PARG: variants seen among roughly 807,000 people sequenced by gnomAD.
PARG encodes the protein mitochondrial poly(ADP-ribose) glycohydrolase.
A neutral mutation model predicts 113.0 loss-of-function variants in PARG; 35 were observed. The ratio of observed to expected loss-of-function variants is 0.31; its 90% CI spans 0.24 to 0.41. PARG has a LOEUF of 0.41. PARG is among the 10% of genes least tolerant of loss of function. The probability of loss-of-function intolerance (pLI) is 1.00; values close to 1 mark genes in which losing one functional copy is unlikely to be tolerated. For synonymous variants in PARG, 330 were observed against 409.9 expected (o/e 0.81, Z 2.36); for missense variants, 797 against 1,169.4 (o/e 0.68, Z 4.64).
chr10:49,880,265 AT>A (rs1847151556), intron 8 of PARG, among the ~76,000 whole-genome samples: 4 of 152,256 alleles, frequency 2.6e-5, no homozygotes, highest in Admixed American at 2.6e-4. Context: ...ATGATCTAAG[AT>A]AATTCAACAA....
chr10:49,937,708 AAAG>A (rs1475293657), intron 1 of PARG, among the ~76,000 whole-genome samples: 2,151 of 152,290 alleles, frequency 0.014, 25 homozygotes, highest in Non-Finnish European at 0.02. Context: ...CAGTGATGGC[AAAG>A]AAGAAGAGAG....
At chr10:49,880,035 G>A (rs1394542665) in intron 8 of PARG, among the ~76,000 whole-genome samples, 7 of 150,796 alleles carry the variant, frequency 4.6e-5, no homozygotes, top group African/African-American at 1.5e-4. Context: ...ACAAACTGCA[G>A]ATTTCTAATC....
intron 1 of PARG, 47 bp from the exon 2 acceptor site, chr10:49,935,189 T>C (rs2132986958): frequency 1.5e-6 from 1 of 686,220 alleles, no homozygotes; most frequent in Non-Finnish European, 2.7e-6. Flanking sequence ...ATATAAAACA[T>C]ATACAGCATA....
intron 16 of PARG, among the ~76,000 whole-genome samples, chr10:49,826,824 C>T (rs1331588511): frequency 6.6e-6 from 1 of 152,146 alleles, no homozygotes. Context: ...TCTTGGGTCA[C>T]TCAACTGCAG....
chr10:49,894,204 AT>A (rs58141680), intron 7 of PARG, among the ~76,000 whole-genome samples: 2,220 of 133,548 alleles, frequency 0.017, 53 homozygotes, highest in East Asian at 0.09. Context: ...CAGCTAATTA[AT>A]TTTTTTTTTT....
chr10:49,873,704 TG>T (rs1253113840), intron 9 of PARG, among the ~76,000 whole-genome samples: 3 of 112,188 alleles, frequency 2.7e-5, no homozygotes, highest in African/African-American at 9.9e-5. Context: ...CATCTCACAG[TG>T]AAAGGCAAGT....
chr10:49,933,967 C>G lies in PARG; in HGVS notation c.481G>C (p.Gly161Arg), dbSNP rs1385532513. The G allele has an allele frequency of 1.9e-6, 3 of 1,600,860 alleles. No individual in the cohort carries two copies. Among genetic ancestry groups the G allele is most frequent in the Non-Finnish European group, 1.7e-6 (2 of 1,168,064 alleles). ...TAAMCKWQNE[G>R]KHTEQLLESE... is the part of the protein sequence containing the mutation. ...TCCAAAAGCTGCTCCGTGTGTTTCCCTTCATTTTGCCACTTACACATTGCT... is the reference window on the plus strand; with the variant it reads ...TCCAAAAGCTGCTCCGTGTGTTTCCGTTCATTTTGCCACTTACACATTGCT... Residue 161 changes from glycine to arginine, a missense_variant, in exon 3 of 18, where the codon GGG becomes CGG. Physicochemically the swap from Gly to Arg is moderately radical, Grantham distance 125. Coordinates refer to ENST00000616448, the MANE Select transcript of PARG (RefSeq NM_003631.5).
At chr10:49,931,615 C>A (rs1838482840) in intron 4 of PARG, among the ~76,000 whole-genome samples, 1 of 150,836 alleles carries the variant, frequency 6.6e-6, no homozygotes, top group Admixed American at 6.6e-5. Flanking sequence ...CCCCAACCCA[C>A]CAAATTATCC....
chr10:49,923,019 CTCTGAT>C (rs1554849752), intron 4 of PARG, among the ~76,000 whole-genome samples: 2 of 152,240 alleles, frequency 1.3e-5, no homozygotes, highest in Non-Finnish European at 2.9e-5. Flanking sequence ...AACGCCTATA[CTCTGAT>C]TCTAAGTGTC....
At chr10:49,895,875 C>T (rs1848061009) in intron 7 of PARG, among the ~76,000 whole-genome samples, 1 of 151,858 alleles carries the variant, frequency 6.6e-6, no homozygotes, top group South Asian at 2.1e-4. Flanking sequence ...TTTTTTAAAG[C>T]TATTTTTAAT....
intron 7 of PARG, among the ~76,000 whole-genome samples, chr10:49,896,188 C>T (rs1554842705): frequency 6.6e-6 from 1 of 152,194 alleles, no homozygotes; most frequent in African/African-American, 2.4e-5. Context: ...AAGAGTATTT[C>T]ATATTTCACC....
At chr10:49,833,223 A>G (rs1844757795) in intron 15 of PARG, 1 of 169,242 alleles carries the variant, frequency 5.9e-6, no homozygotes, top group South Asian at 1.9e-4. Context: ...AAAATAGCAG[A>G]TATTTCAAGA....
chr10:49,846,642 T>C (rs553693645), intron 13 of PARG, among the ~76,000 whole-genome samples: 3 of 152,282 alleles, frequency 2.0e-5, no homozygotes, highest in Non-Finnish European at 2.9e-5. Context: ...ACATTCTTCA[T>C]TGTTGGGGAA....
At chr10:49,899,206 A>T (rs1429436739) in intron 7 of PARG, among the ~76,000 whole-genome samples, 4 of 152,232 alleles carry the variant, frequency 2.6e-5, no homozygotes, top group African/African-American at 9.6e-5. Flanking sequence ...TCCATACTGG[A>T]ACTACCTCTA....
chr10:49,941,643 G>A lies in PARG; in HGVS notation c.83C>T (p.Ala28Val). 6.3e-7 allele frequency: 1 copy of A among 1,597,720 alleles called. No individual in the cohort carries two copies. Among genetic ancestry groups the A allele is most frequent in the Non-Finnish European group, 8.5e-7 (1 of 1,173,424 alleles). ...CCTCTGCCTGCTGGGAAAGCTCCGG[G>A]CGTCCGAAGCAGCCGGCGAAGTTGT... ...AATTSPAASDARSFPSRQRRV... is the reference protein window; with the variant it reads ...AATTSPAASDVRSFPSRQRRV... The change falls in exon 1 of 18, where the codon GCC becomes GTC. Residue 28 changes from alanine (A) to valine (V), a missense_variant. Transcript: ENST00000616448.
At chr10:49,917,006 G>A (rs1177894666) in intron 6 of PARG, among the ~76,000 whole-genome samples, 6 of 151,922 alleles carry the variant, frequency 3.9e-5, no homozygotes, top group Non-Finnish European at 1.5e-5. Flanking sequence ...AAGTATCTAG[G>A]TTAAAAGATG....
At chr10:49,827,043 T>G (rs1423409873) in intron 16 of PARG, among the ~76,000 whole-genome samples, 1 of 152,206 alleles carries the variant, frequency 6.6e-6, no homozygotes, top group Non-Finnish European at 1.5e-5. Context: ...AGTCCCCTTT[T>G]AGGTGGAAGG....
chr10:49,917,893 T>C (rs1489583458), intron 6 of PARG, among the ~76,000 whole-genome samples: 1 of 151,786 alleles, frequency 6.6e-6, no homozygotes, highest in Non-Finnish European at 1.5e-5. Flanking sequence ...TGGTATCTAA[T>C]TTCAAAACTT....
chr10:49,858,017 C>G (rs1181953305), intron 12 of PARG, among the ~76,000 whole-genome samples: 1 of 85,244 alleles, frequency 1.2e-5, no homozygotes, highest in Non-Finnish European at 2.4e-5. Context: ...ACTACATGAA[C>G]ATTACAAACT....
Sources: allele counts gnomAD v4.1 joint callset (sites outside exome capture counted in the v4.1 genomes callset), GRCh38; gene constraint gnomAD v4.1.1; transcripts MANE v1.5; gene names NCBI Gene and HGNC (gene_info 2026-07-23, HGNC 2026-07-21).